SAMD12: variants seen among roughly 807,000 people sequenced by gnomAD.
SAMD12 encodes the protein sterile alpha motif domain-containing protein 12.
A neutral mutation model predicts 15.0 loss-of-function variants in SAMD12; 9 were observed. That is an observed-to-expected ratio of 0.60 (90% CI 0.36 to 1.05). SAMD12 has a LOEUF of 1.05. Ranked by LOEUF, SAMD12 falls within the 50% of genes least tolerant of loss-of-function variation. SAMD12 has a pLI of 0.01. For missense variants in SAMD12, 230 were observed against 234.2 expected, an observed-to-expected ratio of 0.98 and a Z score of 0.12; for synonymous variants, 86 against 90.1, an observed-to-expected ratio of 0.96 and a Z score of 0.25.
chr8:118,265,720 C>T (rs1222309195), intron 4 of SAMD12, among the ~76,000 whole-genome samples: 1 of 151,322 alleles, frequency 6.6e-6, no homozygotes, highest in African/African-American at 2.4e-5. Flanking sequence ...CTCATGGATA[C>T]TTAAGTGGTC....
At chr8:118,546,011 T>C (rs111579269) in intron 2 of SAMD12, among the ~76,000 whole-genome samples, 1,591 of 152,266 alleles carry the variant, frequency 0.01, 33 homozygotes, top group African/African-American at 0.036. Context: ...TTAACCTCTG[T>C]CACATACCTC....
At chr8:118,374,409 T>C (rs76620289), downstream of SAMD12, among the ~76,000 whole-genome samples, 442 of 152,252 alleles carry the variant, frequency 2.9e-3, 4 homozygotes, top group African/African-American at 0.01. Context: ...GTCACTTCTA[T>C]CTCTTGCCTA....
the SAMD12 span, among the ~76,000 whole-genome samples, chr8:118,149,726 G>C: frequency 1.3e-5 from 2 of 152,006 alleles, no homozygotes; most frequent in Admixed American, 6.6e-5. Flanking sequence ...TTATGCCCAT[G>C]ATCCGTTTTT....
chr8:118,436,844 C>T (rs4443692), intron 3 of SAMD12, among the ~76,000 whole-genome samples: 109,395 of 152,114 alleles, frequency 0.72, 39,670 homozygotes, highest in African/African-American at 0.81. Flanking sequence ...CTCACATGCG[C>T]TGTATGCTCA....
intron 4 of SAMD12, among the ~76,000 whole-genome samples, chr8:118,308,066 G>A (rs1815437607): frequency 6.6e-6 from 1 of 152,158 alleles, no homozygotes; most frequent in African/African-American, 2.4e-5. Context: ...CTGATAACTG[G>A]TAATTCCTGT....
chr8:118,197,305 AT>A (rs1007140899), exon 5 of SAMD12: 108 of 220,670 alleles, frequency 4.9e-4, no homozygotes, highest in Middle Eastern at 1.7e-3. Flanking sequence ...AATTGCTGTA[AT>A]TTTTTTTTTC....
chr8:118,602,223 C>G (rs371592261), intron 1 of SAMD12, among the ~76,000 whole-genome samples: 4 of 152,332 alleles, frequency 2.6e-5, no homozygotes, highest in African/African-American at 9.6e-5. Flanking sequence ...GCACAACTGC[C>G]TTTGTCAAAT....
chr8:118,485,934 G>T (rs1008763945), intron 2 of SAMD12, among the ~76,000 whole-genome samples: 2 of 152,208 alleles, frequency 1.3e-5, no homozygotes, highest in Non-Finnish European at 2.9e-5. Flanking sequence ...GAAACAGATG[G>T]CACAATGAGG....
intron 4 of SAMD12, among the ~76,000 whole-genome samples, chr8:118,286,076 C>A (rs926863373): frequency 2.0e-5 from 3 of 149,752 alleles, no homozygotes; most frequent in Non-Finnish European, 2.9e-5. Flanking sequence ...GACAAAAAGC[C>A]AAACACTGCA....
chr8:118,583,552 T>G (rs1443897527), intron 1 of SAMD12, among the ~76,000 whole-genome samples: 2 of 152,098 alleles, frequency 1.3e-5, no homozygotes, highest in Non-Finnish European at 2.9e-5. Context: ...ACCACTGAAC[T>G]GCTGGTAGAC....
intron 2 of SAMD12, among the ~76,000 whole-genome samples, chr8:118,472,630 G>A (rs4324945): frequency 0.42 from 63,320 of 151,842 alleles, 14,622 homozygotes; most frequent in South Asian, 0.51. Flanking sequence ...AGTGATGATC[G>A]CACCACTGCA....
At chr8:118,283,427 C>A (rs531579629) in intron 4 of SAMD12, among the ~76,000 whole-genome samples, 2 of 152,152 alleles carry the variant, frequency 1.3e-5, no homozygotes, top group Non-Finnish European at 2.9e-5. Context: ...GAAGGGAGTA[C>A]GTAGCCTTAA....
chr8:118,552,075 C>T (rs1826355877), intron 2 of SAMD12, among the ~76,000 whole-genome samples: 1 of 152,098 alleles, frequency 6.6e-6, no homozygotes, highest in South Asian at 2.1e-4. Context: ...CAGATGGATT[C>T]ACAGCCGAAT....
At chr8:118,542,730 C>T (rs1488231493) in intron 2 of SAMD12, among the ~76,000 whole-genome samples, 1 of 152,194 alleles carries the variant, frequency 6.6e-6, no homozygotes, top group African/African-American at 2.4e-5. Context: ...CTGTAAATAC[C>T]ATTTAACAAA....
intron 4 of SAMD12, among the ~76,000 whole-genome samples, chr8:118,253,234 C>CAATG (rs1343525214): frequency 6.6e-6 from 1 of 152,146 alleles, no homozygotes; most frequent in Non-Finnish European, 1.5e-5. Context: ...GAGAAACTCG[C>CAATG]AGAAAGGCAG....
At chr8:118,212,078 G>GTGTGTGTT (rs112435036) in intron 4 of SAMD12, among the ~76,000 whole-genome samples, 1,669 of 150,576 alleles carry the variant, frequency 0.011, 21 homozygotes, top group African/African-American at 0.034. Context: ...GTGTGTGTGT[G>GTGTGTGTT]TGTGTTTGTG....
At chr8:118,452,848 C>T (rs1823123418) in intron 2 of SAMD12, among the ~76,000 whole-genome samples, 1 of 152,192 alleles carries the variant, frequency 6.6e-6, no homozygotes, top group Admixed American at 6.5e-5. Flanking sequence ...CTCCCTTCTC[C>T]AACTTCAGGT....
intron 4 of SAMD12, among the ~76,000 whole-genome samples, chr8:118,204,619 C>T (rs376756016): frequency 4.6e-5 from 7 of 151,920 alleles, no homozygotes; most frequent in East Asian, 1.9e-4. Flanking sequence ...CCAGGCGTGG[C>T]GGCCGGCACC....
intron 1 of SAMD12, among the ~76,000 whole-genome samples, chr8:118,601,612 C>T (rs1827868569): frequency 6.6e-6 from 1 of 152,174 alleles, no homozygotes; most frequent in Non-Finnish European, 1.5e-5. Flanking sequence ...TGGTCTTGCC[C>T]TCTTCCTGCT....
Sources: allele counts gnomAD v4.1 joint callset (sites outside exome capture counted in the v4.1 genomes callset), GRCh38; gene constraint gnomAD v4.1.1; transcripts MANE v1.5; gene names NCBI Gene and HGNC (gene_info 2026-07-23, HGNC 2026-07-21).